Variants in CACNA2D3 observed in about 807,000 individuals in gnomAD.
CACNA2D3 encodes voltage-dependent calcium channel subunit alpha-2/delta-3.
In CACNA2D3, 60 loss-of-function variants were observed where a neutral mutation model predicts 160.6. That is an observed-to-expected ratio of 0.37 (90% confidence interval 0.30 to 0.46). CACNA2D3 has a LOEUF of 0.46. CACNA2D3 is among the 20% of genes least tolerant of loss of function. CACNA2D3 has a pLI of 1.00. For missense variants in CACNA2D3, 1,205 were observed against 1,365.0 expected (o/e 0.88, Z 1.85); for synonymous variants, 558 against 492.9 (o/e 1.13, Z -1.75).
intron 4 of CACNA2D3, among the ~76,000 whole-genome samples, chr3:54,492,195 G>A (rs1352584363): frequency 1.3e-5 from 2 of 152,186 alleles, no homozygotes; most frequent in Non-Finnish European, 2.9e-5. Context: ...TTCTGTGACA[G>A]TGGCATTAAA....
chr3:54,902,330 T>C (rs967176451), intron 27 of CACNA2D3, among the ~76,000 whole-genome samples: 8 of 152,324 alleles, frequency 5.3e-5, no homozygotes, highest in African/African-American at 1.9e-4. Context: ...TTCTCTTCTT[T>C]CTCTTTTGTG....
intron 27 of CACNA2D3, among the ~76,000 whole-genome samples, chr3:54,951,506 A>G (rs1701755954): frequency 6.6e-6 from 1 of 152,140 alleles, no homozygotes; most frequent in African/African-American, 2.4e-5. Context: ...GAGTTGTAGG[A>G]TTTCAGTTAC....
intron 27 of CACNA2D3, among the ~76,000 whole-genome samples, chr3:54,945,806 G>A (rs981707235): frequency 6.6e-6 from 1 of 152,156 alleles, no homozygotes; most frequent in African/African-American, 2.4e-5. Context: ...GACCAGGCAG[G>A]GTTTGCAGCA....
chr3:54,410,359 A>C (rs1279662300), intron 4 of CACNA2D3, among the ~76,000 whole-genome samples: 1 of 152,074 alleles, frequency 6.6e-6, no homozygotes, highest in Non-Finnish European at 1.5e-5. Context: ...GTCCCAGGAA[A>C]AAGAAAAAAA....
At chr3:54,221,549 A>G (rs748166341) in intron 2 of CACNA2D3, among the ~76,000 whole-genome samples, 2 of 152,242 alleles carry the variant, frequency 1.3e-5, no homozygotes, top group Non-Finnish European at 2.9e-5. Flanking sequence ...GCTGAAATAC[A>G]TGAATTATTA....
At chr3:54,605,835 T>C (rs1002777901) in intron 9 of CACNA2D3, among the ~76,000 whole-genome samples, 1 of 152,190 alleles carries the variant, frequency 6.6e-6, no homozygotes, top group Non-Finnish European at 1.5e-5. Flanking sequence ...GACAGCTGTG[T>C]GGCATGTATA....
intron 13 of CACNA2D3, among the ~76,000 whole-genome samples, chr3:54,770,965 ACATCTTC>A (rs2107111978): frequency 6.6e-6 from 1 of 152,314 alleles, no homozygotes; most frequent in African/African-American, 2.4e-5. Flanking sequence ...GAGAAAAAAA[ACATCTTC>A]CTTGCATTCA....
chr3:54,391,542 G>C (rs1699282380), intron 4 of CACNA2D3, among the ~76,000 whole-genome samples: 2 of 144,498 alleles, frequency 1.4e-5, no homozygotes, highest in South Asian at 4.4e-4. Context: ...ACAGAGTCTT[G>C]ATCTGTCACC....
At chr3:54,182,393 G>A (rs1175266014) in intron 2 of CACNA2D3, among the ~76,000 whole-genome samples, 2 of 152,166 alleles carry the variant, frequency 1.3e-5, no homozygotes, top group African/African-American at 2.4e-5. Context: ...GGTAACAAAT[G>A]GCTTTCTGTA....
intron 11 of CACNA2D3, among the ~76,000 whole-genome samples, chr3:54,709,807 G>T (rs1700922430): frequency 6.6e-6 from 1 of 152,102 alleles, no homozygotes; most frequent in South Asian, 2.1e-4. Flanking sequence ...GTGCCTGTGG[G>T]TCCAGCTACT....
intron 18 of CACNA2D3, chr3:54,874,866 G>A (rs949008008): frequency 6.6e-6 from 1 of 152,208 alleles, no homozygotes; most frequent in African/African-American, 2.4e-5. Context: ...ATCCTCCTCG[G>A]GGGGTGCAGA....
In CACNA2D3 at chr3:55,007,873, A is replaced by G. The variant is rs146553634; in HGVS notation, c.2819+31A>G. The G allele has an allele frequency of 1.3e-5, 19 of 1,452,852 alleles. No individual in the cohort carries two copies. The South Asian group carries it at 1.6e-4, about 12-fold the overall frequency. 90.0% of individuals were successfully genotyped at this position (1,452,852 alleles called of 1,614,324 possible). On this transcript the variant is annotated intron_variant, in intron 33 of 37. Transcript: ENST00000474759. Reference sequence around the variant, plus strand: ...TAAAATCTGCTGCATTTTTTTGAAAAGTATTAATATTTTCCTTTTTGTATC... The same window carrying G: ...TAAAATCTGCTGCATTTTTTTGAAAGGTATTAATATTTTCCTTTTTGTATC...
At chr3:54,701,416 C>G (rs1240230142) in intron 11 of CACNA2D3, among the ~76,000 whole-genome samples, 1 of 152,144 alleles carries the variant, frequency 6.6e-6, no homozygotes, top group Non-Finnish European at 1.5e-5. Context: ...CTCTCTATAT[C>G]TAATATATCT....
chr3:54,233,154 C>G (rs892313489), intron 2 of CACNA2D3, among the ~76,000 whole-genome samples: 7 of 152,156 alleles, frequency 4.6e-5, no homozygotes, highest in Non-Finnish European at 1.0e-4. Flanking sequence ...CACTTTTCTT[C>G]TTAGCACTTA....
chr3:54,873,203 A>G (rs1031858212), intron 18 of CACNA2D3, among the ~76,000 whole-genome samples: 3 of 152,092 alleles, frequency 2.0e-5, no homozygotes, highest in South Asian at 4.2e-4. Flanking sequence ...AAGTACTTGC[A>G]CTGTTCTGGG....
intron 2 of CACNA2D3, among the ~76,000 whole-genome samples, chr3:54,243,083 G>C (rs1413900023): frequency 6.6e-6 from 1 of 152,224 alleles, no homozygotes; most frequent in Admixed American, 6.5e-5. Flanking sequence ...TGCAATTTCA[G>C]ATCATAAACC....
chr3:54,533,987 G>A (rs946537727), intron 5 of CACNA2D3, among the ~76,000 whole-genome samples: 1 of 152,136 alleles, frequency 6.6e-6, no homozygotes, highest in Non-Finnish European at 1.5e-5. Flanking sequence ...ATTAACCACT[G>A]TGGTTATCCT....
At chr3:54,895,943 G>T (rs2106878179) in intron 25 of CACNA2D3, among the ~76,000 whole-genome samples, 1 of 152,338 alleles carries the variant, frequency 6.6e-6, no homozygotes, top group Non-Finnish European at 1.5e-5. Flanking sequence ...GAGGTCTGGG[G>T]AGGGGATATG....
chr3:54,489,649 T>C (rs757380828), intron 4 of CACNA2D3, among the ~76,000 whole-genome samples: 1 of 152,228 alleles, frequency 6.6e-6, no homozygotes, highest in Non-Finnish European at 1.5e-5. Flanking sequence ...GAACTCAGTG[T>C]GCTGGAGTTA....
Sources: gnomAD v4.1 joint callset for allele counts (sites outside exome capture counted in the v4.1 genomes callset) on GRCh38, gnomAD v4.1.1 for gene constraint, MANE v1.5 for transcripts, NCBI Gene and HGNC (gene_info 2026-07-23, HGNC 2026-07-21) for gene names.